Variants in LMO7 observed in about 807,000 individuals in gnomAD.
LMO7 encodes the protein LIM domain 7.
In LMO7, 120 loss-of-function variants were observed where a neutral mutation model predicts 206.5. The ratio of observed to expected loss-of-function variants is 0.58; its 90% CI spans 0.50 to 0.68. The LOEUF is 0.68. LMO7 is among the 30% of genes least tolerant of loss of function. LMO7 has a pLI of 0.00. For synonymous variants in LMO7, 706 were observed against 681.5 expected (o/e 1.04, Z -0.56); for missense variants, 1,959 against 1,957.9 (o/e 1.00, Z -0.01).
At chr13:75,723,484 C>T (rs1358947815) in intron 2 of LMO7, among the ~76,000 whole-genome samples, 1 of 152,138 alleles carries the variant, frequency 6.6e-6, no homozygotes, top group African/African-American at 2.4e-5. Flanking sequence ...TTTTGTACCT[C>T]AGCTGAAAAG....
exon 1 of LMO7, chr13:75,620,626 A>T (rs993487611): frequency 6.6e-6 from 1 of 152,230 alleles, no homozygotes; most frequent in Admixed American, 6.5e-5. Context: ...GGTCACACTT[A>T]TAGTGATTTT....
chr13:75,830,849 G>T (rs773286948), intron 15 of LMO7, among the ~76,000 whole-genome samples: 1 of 152,132 alleles, frequency 6.6e-6, no homozygotes, highest in Non-Finnish European at 1.5e-5. Context: ...TATGTAGTTT[G>T]AGAGTATTTA....
In LMO7 at chr13:75,732,729, C is replaced by T. The variant is rs542070927; in HGVS notation, c.210+5631C>T. ...CTTTTTAGAGTTTCCAGTTTTTCTG[C>T]TGTTTTTTCCCCATCTTTGTGGTTT... is the stretch of plus-strand genomic sequence containing the variant. On this transcript the variant is annotated intron_variant, in intron 3 of 30. Coordinates refer to ENST00000377534, the MANE Select transcript of LMO7 (RefSeq NM_001306080.2). 3.3e-5 allele frequency among the ~76,000 whole-genome samples: 5 copies of T among 151,896 alleles called. No homozygotes were observed. In the South Asian group the frequency reaches 1.0e-3, roughly 32 times the overall value.
At chr13:75,823,993 A>C (rs2057860752) in intron 15 of LMO7, 120 bp downstream of exon 15, 1 of 771,928 alleles carries the variant, frequency 1.3e-6, no homozygotes, top group African/African-American at 1.8e-5. Flanking sequence ...GTGCAAAATG[A>C]TATTCTGGTT....
At chr13:75,654,567 TG>T (rs2037870616) in intron 1 of LMO7, among the ~76,000 whole-genome samples, 1 of 152,022 alleles carries the variant, frequency 6.6e-6, no homozygotes, top group East Asian at 1.9e-4. Context: ...CTGTGGCGTG[TG>T]GGGGGTTAGA....
chr13:75,722,553 T>C (rs2044113392), intron 2 of LMO7, among the ~76,000 whole-genome samples: 1 of 151,974 alleles, frequency 6.6e-6, no homozygotes, highest in South Asian at 2.1e-4. Flanking sequence ...AAATAGTTGT[T>C]GGTGTGGATG....
At chr13:75,645,133 T>C (rs774031468) in intron 1 of LMO7, among the ~76,000 whole-genome samples, 7 of 152,270 alleles carry the variant, frequency 4.6e-5, no homozygotes, top group Admixed American at 1.3e-4. Context: ...TCTTCTCTCA[T>C]GTGACCTACA....
intron 1 of LMO7, among the ~76,000 whole-genome samples, chr13:75,651,956 T>C (rs1485568068): frequency 1.3e-5 from 2 of 152,188 alleles, no homozygotes; most frequent in Non-Finnish European, 2.9e-5. Flanking sequence ...AAAAAAAGTT[T>C]TTAGCAGAGT....
chr13:75,719,042 C>T (rs971627807), intron 2 of LMO7, among the ~76,000 whole-genome samples: 15 of 150,588 alleles, frequency 1.0e-4, no homozygotes, highest in East Asian at 3.9e-4. Context: ...TGCAATGGCG[C>T]GATCTCGGCT....
At chr13:75,678,176 T>C (rs2040184536) in intron 1 of LMO7, among the ~76,000 whole-genome samples, 1 of 152,180 alleles carries the variant, frequency 6.6e-6, no homozygotes, top group Non-Finnish European at 1.5e-5. Flanking sequence ...GATTGCTGGG[T>C]CAAATGATAT....
intron 3 of LMO7, among the ~76,000 whole-genome samples, chr13:75,748,067 G>A (rs950573433): frequency 6.6e-6 from 1 of 152,126 alleles, no homozygotes; most frequent in East Asian, 1.9e-4. Context: ...CTTTGAAGAC[G>A]GAGGAACAGG....
In LMO7 at chr13:75,642,470, G is replaced by A. The variant is rs11841827; in HGVS notation, c.69+5744G>A. 1.5e-3 allele frequency among the ~76,000 whole-genome samples: 213 copies of A among 146,342 alleles called. 1 individual carries two copies. Among genetic ancestry groups the A allele is most frequent in the African/African-American group, 4.9e-3 (197 of 40,548 alleles). ...AAAAAAAAAAAAAAAAAAAAAGGTG[G>A]CACACACCTGCATTCTTGGCTGCTT... On this transcript the variant is annotated intron_variant, in intron 1 of 30. Transcript: ENST00000377534.
chr13:75,771,196 G>A (rs529906830), intron 4 of LMO7, among the ~76,000 whole-genome samples: 7 of 152,052 alleles, frequency 4.6e-5, no homozygotes, highest in Non-Finnish European at 1.0e-4. Flanking sequence ...GTGCCATCAA[G>A]TCTCAGATCA....
chr13:75,827,094 C>T (rs1174468291), intron 15 of LMO7, among the ~76,000 whole-genome samples: 2 of 152,150 alleles, frequency 1.3e-5, no homozygotes, highest in Admixed American at 1.3e-4. Context: ...CTGAACTCTT[C>T]CTTGTCCCAT....
chr13:75,830,223 A>C (rs1350596754), intron 15 of LMO7, among the ~76,000 whole-genome samples: 2 of 152,192 alleles, frequency 1.3e-5, no homozygotes, highest in African/African-American at 4.8e-5. Context: ...ACTTGCAAGA[A>C]GTTTCAGGAA....
At chr13:75,823,058 C>T (rs577771792) in intron 14 of LMO7, among the ~76,000 whole-genome samples, 2 of 151,810 alleles carry the variant, frequency 1.3e-5, no homozygotes, top group Non-Finnish European at 2.9e-5. Flanking sequence ...TATCTGTTGA[C>T]CTGGAGTGAT....
chr13:75,728,894 A>G (rs1352046576), intron 3 of LMO7, among the ~76,000 whole-genome samples: 1 of 146,556 alleles, frequency 6.8e-6, no homozygotes, highest in Non-Finnish European at 1.5e-5. Flanking sequence ...TCCTTTCCCC[A>G]TTGCTTGTTT....
chr13:75,737,359 C>T (rs926104839), intron 3 of LMO7, among the ~76,000 whole-genome samples: 1 of 151,990 alleles, frequency 6.6e-6, no homozygotes, highest in African/African-American at 2.4e-5. Context: ...TCTTTGTTGC[C>T]TTAAGCCACC....
At chr13:75,655,738 G>A (rs1163403841) in intron 1 of LMO7, among the ~76,000 whole-genome samples, 1 of 148,468 alleles carries the variant, frequency 6.7e-6, no homozygotes, top group African/African-American at 2.5e-5. Context: ...ATTTCCTGAA[G>A]TGCTTGTTGT....
Sources: allele counts gnomAD v4.1 joint callset (sites outside exome capture counted in the v4.1 genomes callset), GRCh38; gene constraint gnomAD v4.1.1; transcripts MANE v1.5; gene names NCBI Gene and HGNC (gene_info 2026-07-23, HGNC 2026-07-21).